UTY: variants seen among roughly 807,000 people sequenced by gnomAD.
UTY encodes histone demethylase UTY.
Under a neutral mutation model 32.5 loss-of-function variants are expected in UTY, and 12 were observed. That is an observed-to-expected ratio of 0.37 (90% confidence interval 0.24 to 0.60). The LOEUF is 0.60. UTY is among the 20% of genes least tolerant of loss of function. The pLI is 0.69. For missense variants in UTY, 303 were observed against 299.2 expected, an observed-to-expected ratio of 1.01 and a Z score of -0.09; for synonymous variants, 131 against 103.4, an observed-to-expected ratio of 1.27 and a Z score of -1.62.
At chrY:13,280,077 A>C (rs2056925783) in intron 27 of UTY, among the ~76,000 whole-genome samples, 1 of 33,727 alleles carries the variant, frequency 3.0e-5, no homozygotes, top group Non-Finnish European at 7.3e-5. Context: ...TTAAAAAGGC[A>C]AATCTAAGAG....
At chrY:13,268,982 C>T in intron 27 of UTY, among the ~76,000 whole-genome samples, 6 of 33,219 alleles carry the variant, frequency 1.8e-4, no homozygotes, top group African/African-American at 7.0e-4. Context: ...GGAGGTGTCT[C>T]CTAGTCAGGA....
intron 4 of UTY, among the ~76,000 whole-genome samples, chrY:13,436,672 CTT>C (rs2074578575): frequency 3.1e-5 from 1 of 32,393 alleles, no homozygotes. Context: ...GTTAAGAACT[CTT>C]TGTGTAATAG....
Position 13,356,003 on chromosome Y carries a change from G to A in UTY, c.1585C>T (p.Arg529Ter), listed in dbSNP as rs758422687. 2.6e-6 allele frequency: 1 copy of A among 384,193 alleles called. No homozygotes were observed. The highest frequency in any genetic ancestry group is 3.3e-5 in the South Asian group (1 of 30,639). ...GGATTTAAATTATCTCTATTTGCTC[G>A]CAGTTGTTCCAAGTGCTAGAAGAAA... is the stretch of plus-strand genomic sequence containing the variant. ...PQKLQHLEQLRANRDNLNPAQ... is the reference protein window; with the variant it reads ...PQKLQHLEQL Residue 529 changes from arginine to a stop codon, truncating the protein, a stop_gained, in exon 16 of 30, where the codon CGA becomes TGA. Transcript: ENST00000545955. LOFTEE classifies it high-confidence loss of function.
intron 17 of UTY, among the ~76,000 whole-genome samples, chrY:13,351,582 G>A: frequency 3.1e-5 from 1 of 32,726 alleles, no homozygotes; most frequent in Non-Finnish European, 7.5e-5. Flanking sequence ...GGTAGGTAAC[G>A]TGTACAGTGT....
chrY:13,286,671 C>G, intron 27 of UTY: 1 of 375,081 alleles, frequency 2.7e-6, no homozygotes, highest in Middle Eastern at 7.1e-4. Context: ...TTTTGACCGC[C>G]ACATTACCAT....
intron 3 of UTY, among the ~76,000 whole-genome samples, chrY:13,463,016 T>TC (rs2077527901): frequency 2.9e-4 from 6 of 20,943 alleles, no homozygotes; most frequent in African/African-American, 1.2e-3. Flanking sequence ...TCCTCCCCCC[T>TC]CCCCCCAACC....
At chrY:13,400,334 G>A (rs986589034) in intron 6 of UTY, among the ~76,000 whole-genome samples, 10 of 31,480 alleles carry the variant, frequency 3.2e-4, no homozygotes, top group Admixed American at 6.0e-4. Context: ...CATCTTTAGT[G>A]TGAAATGTTG....
chrY:13,283,916 TA>T (rs2057191988), intron 27 of UTY, among the ~76,000 whole-genome samples: 1 of 33,736 alleles, frequency 3.0e-5, no homozygotes, highest in African/African-American at 1.2e-4. Flanking sequence ...CGTATCATGG[TA>T]ACTTCTAATC....
chrY:13,429,115 C>G (rs2073703440), intron 4 of UTY, among the ~76,000 whole-genome samples: 2 of 33,841 alleles, frequency 5.9e-5, no homozygotes, highest in African/African-American at 2.3e-4. Flanking sequence ...ACCAGCAAAT[C>G]AGGATAATTT....
chrY:13,441,898 T>C, intron 4 of UTY, among the ~76,000 whole-genome samples: 1 of 33,237 alleles, frequency 3.0e-5, no homozygotes, highest in Non-Finnish European at 7.4e-5. Flanking sequence ...ATGATGAGCC[T>C]AGAAGTAAAA....
At chrY:13,294,795 C>T (rs971163742) in intron 27 of UTY, among the ~76,000 whole-genome samples, 5 of 33,786 alleles carry the variant, frequency 1.5e-4, no homozygotes, top group Admixed American at 1.3e-3. Flanking sequence ...CCCTGGCTCA[C>T]GCCTGTTATC....
intron 17 of UTY, among the ~76,000 whole-genome samples, chrY:13,353,732 A>G: frequency 2.9e-5 from 1 of 33,954 alleles, no homozygotes; most frequent in East Asian, 7.8e-4. Context: ...GTTGATTCCA[A>G]TCCTCATGGA....
intron 8 of UTY, among the ~76,000 whole-genome samples, chrY:13,382,747 T>C: frequency 3.0e-5 from 1 of 33,802 alleles, no homozygotes; most frequent in Non-Finnish European, 7.3e-5. Context: ...CAAGATTAAA[T>C]AGCACACTCC....
intron 28 of UTY, among the ~76,000 whole-genome samples, chrY:13,252,455 C>T (rs564804400): frequency 1.5e-4 from 5 of 33,203 alleles, no homozygotes; most frequent in African/African-American, 5.9e-4. Context: ...TCATTAATAC[C>T]TCCTAAGACC....
At chrY:13,436,325 CTGTA>C (rs2074544500) in intron 4 of UTY, among the ~76,000 whole-genome samples, 1 of 33,127 alleles carries the variant, frequency 3.0e-5, no homozygotes, top group African/African-American at 1.2e-4. Context: ...TTAGAGTGGA[CTGTA>C]TGCTGTGAGT....
intron 27 of UTY, among the ~76,000 whole-genome samples, chrY:13,278,213 G>T (rs747010875): frequency 4.8e-4 from 16 of 33,541 alleles, no homozygotes; most frequent in Non-Finnish European, 2.2e-4. Context: ...GGCTACAGAG[G>T]CCTTGGGTCT....
intron 16 of UTY, 33 bp from the exon 17 acceptor site, chrY:13,355,431 A>G (rs1404190467): frequency 2.6e-6 from 1 of 390,690 alleles, no homozygotes; most frequent in South Asian, 3.0e-5. Flanking sequence ...CTGCTGTGTA[A>G]CTTTGAAAAT....
intron 18 of UTY, among the ~76,000 whole-genome samples, chrY:13,334,940 C>G: frequency 3.0e-5 from 1 of 33,578 alleles, no homozygotes; most frequent in Non-Finnish European, 7.4e-5. Flanking sequence ...GGAAGCAACT[C>G]AAATGCCCAT....
In UTY at chrY:13,248,511, C is replaced by T; in HGVS notation, c.*1345G>A. ...TATAGATTTTTTAATACTTTCCTCC[C>T]CTTCACCCCAAACCATGTTGTACAA... On this transcript the variant is annotated 3_prime_UTR_variant, in exon 30 of 30. Transcript: ENST00000545955. The T allele has an allele frequency of 2.6e-5, 1 of 38,504 alleles. No homozygotes were observed. Among genetic ancestry groups the T allele is most frequent in the Non-Finnish European group, 6.3e-5 (1 of 15,894 alleles). 9.6% of individuals were successfully genotyped at this position (38,504 alleles called of 400,897 possible). A position where few individuals can be genotyped will look rare whatever the true frequency, so the allele number is the denominator to read the frequency against.
Sources: allele counts gnomAD v4.1 joint callset (sites outside exome capture counted in the v4.1 genomes callset), GRCh38; gene constraint gnomAD v4.1.1; transcripts MANE v1.5; gene names NCBI Gene and HGNC (gene_info 2026-07-23, HGNC 2026-07-21).